Variants in PPP2R3A observed in about 807,000 individuals in gnomAD.
The protein encoded by PPP2R3A is serine/threonine-protein phosphatase 2A regulatory subunit B'' subunit alpha.
A neutral mutation model predicts 106.9 loss-of-function variants in PPP2R3A; 80 were observed. That is an observed-to-expected ratio of 0.75 (90% CI 0.62 to 0.90). The LOEUF (loss-of-function observed/expected upper bound fraction) is 0.90, where lower values mean the gene tolerates loss of function less well. Among genes scored for constraint, PPP2R3A ranks in the 40% least tolerant of loss-of-function variants. PPP2R3A has a pLI of 0.00. For missense variants in PPP2R3A, 1,386 were observed against 1,350.4 expected, an observed-to-expected ratio of 1.03 and a Z score of -0.41; for synonymous variants, 483 against 468.3, an observed-to-expected ratio of 1.03 and a Z score of -0.41.
chr3:136,119,641 A>C (rs1417668370), intron 13 of PPP2R3A, among the ~76,000 whole-genome samples: 1 of 152,252 alleles, frequency 6.6e-6, no homozygotes, highest in Non-Finnish European at 1.5e-5. Flanking sequence ...GAGAAATGCA[A>C]ATCAAAATCA....
At chr3:136,088,447 A>G (rs1576494115) in intron 9 of PPP2R3A, among the ~76,000 whole-genome samples, 1 of 152,208 alleles carries the variant, frequency 6.6e-6, no homozygotes, top group South Asian at 2.1e-4. Flanking sequence ...TTATGGCTGC[A>G]TAGTATTCAA....
chr3:136,129,388 C>A (rs1397414547), intron 13 of PPP2R3A, among the ~76,000 whole-genome samples: 1 of 152,144 alleles, frequency 6.6e-6, no homozygotes, highest in East Asian at 1.9e-4. Context: ...ACTATAAACA[C>A]CTCTATGCAA....
rs181809901 is a variant in PPP2R3A, at chr3:136,072,500, G to A, written c.2544+1948G>A. On this transcript the variant is annotated intron_variant, in intron 6 of 13. Transcript: ENST00000264977. ...CCAGCTACTCAGGAGGCTGAGGCAC[G>A]GGAATCACTTGAACCCAGGAGGTGG... 7.6e-3 allele frequency among the ~76,000 whole-genome samples: 1,155 copies of A among 152,298 alleles called. 20 individuals are homozygous for A. The highest frequency in any genetic ancestry group is 0.043 in the Admixed American group (656 of 15,298).
rs555010751 is a variant in PPP2R3A, at chr3:136,074,714, C to T, written c.2545-3653C>T. Among the ~76,000 whole-genome samples the T allele has an allele frequency of 3.1e-4, 47 of 152,258 alleles. 1 individual carries two copies. The South Asian group carries it at 4.6e-3, about 15-fold the overall frequency. On this transcript the variant is annotated intron_variant, in intron 6 of 13. Transcript: ENST00000264977. ...GTGATATATTCAGTATCTTGATTGG[C>T]CAGAATCCACCACTGTAGGCTGAAA...
intron 13 of PPP2R3A, among the ~76,000 whole-genome samples, chr3:136,136,093 T>TATATATATAA (rs1221985359): frequency 5.9e-5 from 7 of 118,628 alleles, no homozygotes; most frequent in African/African-American, 2.4e-4. Flanking sequence ...TATATATATA[T>TATATATATAA]AAAAAACATC....
intron 7 of PPP2R3A, chr3:136,079,151 G>C (rs1191249513): frequency 2.2e-6 from 1 of 454,336 alleles, no homozygotes; most frequent in Non-Finnish European, 4.4e-6. Context: ...CTGAGACAGA[G>C]TAATGAAGAC....
chr3:136,008,074 T>C (rs1295926409), intron 2 of PPP2R3A, among the ~76,000 whole-genome samples: 2 of 152,248 alleles, frequency 1.3e-5, no homozygotes, highest in African/African-American at 4.8e-5. Flanking sequence ...TATAGTTTTA[T>C]ATGCATATTT....
At chr3:135,998,068 T>TTGCTGC (rs1379864533) in intron 1 of PPP2R3A, among the ~76,000 whole-genome samples, 1 of 152,232 alleles carries the variant, frequency 6.6e-6, no homozygotes, top group Non-Finnish European at 1.5e-5. Context: ...TGATTGGCTT[T>TTGCTGC]TGCTGCTGCT....
At chr3:136,068,884 G>A (rs1936343708) in intron 5 of PPP2R3A, among the ~76,000 whole-genome samples, 1 of 152,180 alleles carries the variant, frequency 6.6e-6, no homozygotes, top group Non-Finnish European at 1.5e-5. Context: ...GCCCAGTGAT[G>A]CACTGAAAAG....
Position 136,082,413 on chromosome 3 carries a change from A to G in PPP2R3A, c.2780A>G (p.Asn927Ser), listed in dbSNP as rs1559909545. ...YISQADLSRY[N>S]DQASSSRIIE... ...AGCCAGGCCGATCTGTCTCGATACA[A>G]TGACCAGGGTAAGTGATTCTGTAGA... Residue 927 changes from asparagine to serine, a missense_variant, in exon 8 of 14, where the codon AAT becomes AGT. Coordinates refer to ENST00000264977, the MANE Select transcript of PPP2R3A (RefSeq NM_002718.5). 4 of 1,613,632 alleles carry G rather than the reference A, an allele frequency of 2.5e-6. No individual in the cohort carries two copies. Among genetic ancestry groups the G allele is most frequent in the Non-Finnish European group, 3.4e-6 (4 of 1,179,586 alleles).
At position 136,002,839 on chromosome 3, in the gene PPP2R3A, T is replaced by C. The variant is rs373535247; in HGVS notation, c.1341T>C (p.His447=). 11 of 1,613,984 alleles carry C rather than the reference T, an allele frequency of 6.8e-6. No homozygotes were observed. The highest frequency in any genetic ancestry group is 4.0e-5 in the African/African-American group (3 of 75,026). ...ATGAGTTATTAAAGGTAAATGAACA[T>C]AGAGCAGAATTTCCAGAACATGCTA... ...PSHELLKVNE[H]RAEFPEHATH... Residue 447 remains histidine (H), a synonymous_variant, in exon 2 of 14, where the codon CAT becomes CAC. Transcript: ENST00000264977.
At chr3:136,023,134 C>G in intron 2 of PPP2R3A, 2 of 1,613,544 alleles carry the variant, frequency 1.2e-6, no homozygotes, top group Non-Finnish European at 1.7e-6. Flanking sequence ...GCTTTCCTGG[C>G]AAGGGGCTGT....
intron 7 of PPP2R3A, among the ~76,000 whole-genome samples, chr3:136,078,660 G>T (rs937547067): frequency 2.6e-5 from 4 of 152,190 alleles, no homozygotes; most frequent in African/African-American, 9.7e-5. Flanking sequence ...TCTGCCTGAA[G>T]GCATGCACTC....
chr3:135,985,699 C>T (rs572573170), intron 1 of PPP2R3A, among the ~76,000 whole-genome samples: 20 of 152,218 alleles, frequency 1.3e-4, no homozygotes, highest in African/African-American at 4.6e-4. Flanking sequence ...AAGATGTACT[C>T]TTAGATGTTC....
At chr3:135,977,416 A>C in intron 1 of PPP2R3A, among the ~76,000 whole-genome samples, 1 of 151,768 alleles carries the variant, frequency 6.6e-6, no homozygotes, top group East Asian at 1.9e-4. Flanking sequence ...GCAAACATAC[A>C]GTCGTTAGAA....
chr3:136,056,366 A>G (rs1011890757), intron 5 of PPP2R3A, among the ~76,000 whole-genome samples: 3 of 152,216 alleles, frequency 2.0e-5, no homozygotes, highest in Admixed American at 6.5e-5. Context: ...GTTTAATTTT[A>G]ACAAGTGGAC....
Position 136,083,982 on chromosome 3 carries a change from T to C in PPP2R3A, c.2788+1561T>C, listed in dbSNP as rs116361815. 7.0e-3 allele frequency among the ~76,000 whole-genome samples: 1,073 copies of C among 152,214 alleles called. 20 individuals carry two copies. The highest frequency in any genetic ancestry group is 0.023 in the African/African-American group (968 of 41,524). ...TGACAGTGCATAAAAGTTTGGAAAATTTGCTGCCTGATAATGCAGTAGAAA... is the reference window on the plus strand; with the variant it reads ...TGACAGTGCATAAAAGTTTGGAAAACTTGCTGCCTGATAATGCAGTAGAAA... On this transcript the variant is annotated intron_variant, in intron 8 of 13. Coordinates refer to ENST00000264977, the MANE Select transcript of PPP2R3A (RefSeq NM_002718.5).
At chr3:136,102,378 G>A (rs567463044) in intron 11 of PPP2R3A, among the ~76,000 whole-genome samples, 196 bp downstream of exon 11, 3 of 127,564 alleles carry the variant, frequency 2.4e-5, no homozygotes, top group East Asian at 2.2e-4. Flanking sequence ...ATGCAGTCTC[G>A]CTTTGTCTGC....
chr3:136,026,007 A>G (rs921232013), intron 2 of PPP2R3A, among the ~76,000 whole-genome samples: 3 of 152,168 alleles, frequency 2.0e-5, no homozygotes, highest in Admixed American at 1.3e-4. Flanking sequence ...ATCATGGGCA[A>G]TCTTAATTTC....
Sources: gnomAD v4.1 joint callset for allele counts (sites outside exome capture counted in the v4.1 genomes callset) on GRCh38, gnomAD v4.1.1 for gene constraint, MANE v1.5 for transcripts, NCBI Gene and HGNC (gene_info 2026-07-23, HGNC 2026-07-21) for gene names.